Variants in PLEKHM3 observed in about 807,000 individuals in gnomAD.
PLEKHM3 encodes pleckstrin homology domain-containing family M member 3.
Under a neutral mutation model 81.8 loss-of-function variants are expected in PLEKHM3, and 45 were observed. The observed-to-expected ratio is 0.55, with a 90% CI of 0.43 to 0.71. PLEKHM3 has a LOEUF of 0.71. Ranked by LOEUF, PLEKHM3 falls within the 30% of genes least tolerant of loss-of-function variation. The probability of loss-of-function intolerance (pLI) is 0.00; values close to 1 mark genes in which losing one functional copy is unlikely to be tolerated. For synonymous variants in PLEKHM3, 352 were observed against 356.4 expected (o/e 0.99, Z 0.14); for missense variants, 788 against 924.3 (o/e 0.85, Z 1.91).
intron 4 of PLEKHM3, among the ~76,000 whole-genome samples, chr2:207,943,865 C>T (rs1483501399): frequency 1.6e-5 from 1 of 62,256 alleles, no homozygotes; most frequent in Non-Finnish European, 2.7e-5. Context: ...GAGACTCCGT[C>T]TCAAAAAAAA....
chr2:207,845,999 G>T (rs1340346864), intron 7 of PLEKHM3, among the ~76,000 whole-genome samples: 4 of 152,176 alleles, frequency 2.6e-5, no homozygotes, highest in Non-Finnish European at 5.9e-5. Flanking sequence ...CAGAAGCAAA[G>T]ATCTTACTCC....
chr2:207,956,136 A>G (rs1690499456), intron 3 of PLEKHM3, among the ~76,000 whole-genome samples: 1 of 152,186 alleles, frequency 6.6e-6, no homozygotes, highest in African/African-American at 2.4e-5. Context: ...AGTATGAAGA[A>G]AAGAGCTTGG....
intron 6 of PLEKHM3, among the ~76,000 whole-genome samples, chr2:207,892,306 T>C (rs1480668035): frequency 6.6e-6 from 1 of 152,244 alleles, no homozygotes; most frequent in Admixed American, 6.5e-5. Flanking sequence ...CTTTTTCTTA[T>C]TGTGGTAAAT....
chr2:207,988,241 T>C (rs1691790196), intron 2 of PLEKHM3, among the ~76,000 whole-genome samples: 1 of 152,190 alleles, frequency 6.6e-6, no homozygotes, highest in African/African-American at 2.4e-5. Flanking sequence ...CTAACCCATG[T>C]CCTGTAGAAG....
At chr2:207,854,069 G>A (rs1481479318) in intron 7 of PLEKHM3, among the ~76,000 whole-genome samples, 1 of 144,600 alleles carries the variant, frequency 6.9e-6, no homozygotes, top group African/African-American at 2.5e-5. Context: ...GAGCCACCAC[G>A]CCCAGCCCTG....
intron 5 of PLEKHM3, among the ~76,000 whole-genome samples, chr2:207,927,627 C>A (rs1574414838): frequency 6.6e-6 from 1 of 150,998 alleles, no homozygotes; most frequent in Admixed American, 6.6e-5. Flanking sequence ...GTCAGGAGTT[C>A]GAGACCAGCC....
At chr2:207,881,629 A>T (rs2092591891) in intron 6 of PLEKHM3, among the ~76,000 whole-genome samples, 1 of 152,232 alleles carries the variant, frequency 6.6e-6, no homozygotes. Flanking sequence ...TCAAGAAAAA[A>T]CAATTTTAAA....
At chr2:207,956,711 G>GTAAAAAAAA (rs1482352995) in intron 3 of PLEKHM3, among the ~76,000 whole-genome samples, 3 of 108,416 alleles carry the variant, frequency 2.8e-5, no homozygotes, top group African/African-American at 1.0e-4. Context: ...ACACCTGGCT[G>GTAAAAAAAA]ATTAAAATTT....
Position 207,999,544 on chromosome 2 carries a change from G to C in PLEKHM3, c.610+1486C>G, listed in dbSNP as rs193115491. ...TCCCATGAGCCAAGAGTTTGAGGCTGCAATGAGCTACAATTACATCATCAT... is the reference window on the plus strand; with the variant it reads ...TCCCATGAGCCAAGAGTTTGAGGCTCCAATGAGCTACAATTACATCATCAT... On this transcript the variant is annotated intron_variant, in intron 2 of 7. Coordinates refer to ENST00000427836, the MANE Select transcript of PLEKHM3 (RefSeq NM_001080475.3). Among the ~76,000 whole-genome samples, 372 of 152,210 alleles carry C rather than the reference G, an allele frequency of 2.4e-3. 2 individuals carry two copies. Among genetic ancestry groups the C allele is most frequent in the African/African-American group, 8.4e-3 (349 of 41,532 alleles).
chr2:208,003,218 C>T (rs932111471), intron 1 of PLEKHM3, among the ~76,000 whole-genome samples: 2 of 152,312 alleles, frequency 1.3e-5, no homozygotes, highest in South Asian at 2.1e-4. Flanking sequence ...GTGACACGTG[C>T]CTTTCACCTT....
At chr2:207,864,726 C>T (rs2092486504) in intron 6 of PLEKHM3, among the ~76,000 whole-genome samples, 1 of 152,132 alleles carries the variant, frequency 6.6e-6, no homozygotes, top group Non-Finnish European at 1.5e-5. Flanking sequence ...AATATTTCAC[C>T]AAATTTACAC....
chr2:207,944,195 G>A (rs1690043985), intron 4 of PLEKHM3, among the ~76,000 whole-genome samples: 1 of 152,164 alleles, frequency 6.6e-6, no homozygotes, highest in Non-Finnish European at 1.5e-5. Flanking sequence ...AAAAAGAAGA[G>A]TTAGAGGGAG....
chr2:207,941,003 T>G lies in PLEKHM3; in HGVS notation c.1692+5364A>C, dbSNP rs371364418. Among the ~76,000 whole-genome samples the G allele has an allele frequency of 8.5e-5, 13 of 152,334 alleles. No individual in the cohort carries two copies. In the East Asian group the frequency reaches 2.5e-3, roughly 29 times the overall value. On this transcript the variant is annotated intron_variant, in intron 4 of 7. Coordinates refer to ENST00000427836, the MANE Select transcript of PLEKHM3 (RefSeq NM_001080475.3). ...CCTTGAAGTAGGAGACAAGGTCATATGCTGAGAATACTTAGGAAGAGGCAT... is the reference window on the plus strand; with the variant it reads ...CCTTGAAGTAGGAGACAAGGTCATAGGCTGAGAATACTTAGGAAGAGGCAT...
chr2:208,024,325 T>G (rs1693237634), intron 1 of PLEKHM3, among the ~76,000 whole-genome samples: 1 of 152,174 alleles, frequency 6.6e-6, no homozygotes, highest in African/African-American at 2.4e-5. Context: ...TAGTCTGGCT[T>G]TATAGTTTTT....
At chr2:207,923,880 C>CACATAT (rs1319162543) in intron 5 of PLEKHM3, among the ~76,000 whole-genome samples, 20 of 56,770 alleles carry the variant, frequency 3.5e-4, no homozygotes, top group African/African-American at 1.4e-3. Context: ...CACACACACA[C>CACATAT]ATATATATAT....
intron 4 of PLEKHM3, 108 bp from the exon 5 acceptor site, chr2:207,931,227 A>C (rs940647498): frequency 3.4e-5 from 36 of 1,048,222 alleles, no homozygotes; most frequent in Non-Finnish European, 4.7e-5. Context: ...TTATTTTCTC[A>C]ATACAGACAA....
chr2:207,892,806 C>A (rs1280238896), intron 6 of PLEKHM3, among the ~76,000 whole-genome samples: 1 of 152,220 alleles, frequency 6.6e-6, no homozygotes, highest in East Asian at 1.9e-4. Flanking sequence ...ACAGTAGGGG[C>A]CAAGACCTCA....
rs750317062 is a variant in PLEKHM3 at position 208,001,518 on chromosome 2, T to G, written c.122A>C (p.Glu41Ala). 6.2e-7 allele frequency: 1 copy of G among 1,614,188 alleles called. No individual in the cohort carries two copies. ...CTCATGCCCCACCAGTTCAGGGACT[T>G]CCTGGATCCCATAAACCTCTGCCTG... Reference protein sequence around the residue: ...VQQAEVYGIQEVPELVGHEVL... With the variant: ...VQQAEVYGIQAVPELVGHEVL... The change falls in exon 2 of 8, where the codon GAA becomes GCA. Residue 41 changes from glutamate to alanine, a missense_variant. Transcript: ENST00000427836.
chr2:207,884,811 G>GC (rs1687834449), intron 6 of PLEKHM3, among the ~76,000 whole-genome samples: 1 of 152,100 alleles, frequency 6.6e-6, no homozygotes, highest in African/African-American at 2.4e-5. Flanking sequence ...GCCTTCCTGG[G>GC]CGCCCACATA....
Sources: allele counts gnomAD v4.1 joint callset (sites outside exome capture counted in the v4.1 genomes callset), GRCh38; gene constraint gnomAD v4.1.1; transcripts MANE v1.5; gene names NCBI Gene and HGNC (gene_info 2026-07-23, HGNC 2026-07-21).